Variants in CAPN7 observed in about 807,000 individuals in gnomAD.
CAPN7 encodes calpain-7.
A neutral mutation model predicts 115.2 loss-of-function variants in CAPN7; 72 were observed. The observed-to-expected ratio is 0.63, with a 90% CI of 0.52 to 0.76. The LOEUF is 0.76. CAPN7 is among the 30% of genes least tolerant of loss of function. CAPN7 has a pLI of 0.00. For synonymous variants in CAPN7, 344 were observed against 322.3 expected (o/e 1.07, Z -0.72); for missense variants, 905 against 971.5 (o/e 0.93, Z 0.91).
At chr3:15,227,725 T>C (rs527557679) in intron 6 of CAPN7, 114 bp from the exon 7 acceptor site, 1 of 510,628 alleles carries the variant, frequency 2.0e-6, no homozygotes, top group South Asian at 7.3e-5. Flanking sequence ...TTTAAGATAA[T>C]ACAGTACTGC....
chr3:15,226,911 A>AT (rs1170459101), intron 6 of CAPN7, among the ~76,000 whole-genome samples: 6 of 152,096 alleles, frequency 3.9e-5, no homozygotes, highest in Admixed American at 6.5e-5. Context: ...TTCTATTACT[A>AT]GGAAATCTTT....
rs113901975 is a variant in CAPN7 at position 15,224,265 on chromosome 3, ATT to A, written c.725+717_725+718del. On this transcript the variant is annotated intron_variant, in intron 6 of 20. Coordinates refer to ENST00000253693, the MANE Select transcript of CAPN7 (RefSeq NM_014296.3). ...CAAAAAGAAAATTATGATGTCCCAA[ATT>A]TTTTTTTTTTTTCTTTTTTTTTGAG... Among the ~76,000 whole-genome samples, 1,087 of 145,244 alleles carry A rather than the reference ATT, an allele frequency of 7.5e-3. 12 individuals carry two copies. The highest frequency in any genetic ancestry group is 0.024 in the African/African-American group (955 of 39,764).
At position 15,240,831 on chromosome 3, in the gene CAPN7, A is replaced by G; in HGVS notation, c.1630A>G (p.Lys544Glu). Residue 544 changes from lysine to glutamate, a missense_variant, in exon 14 of 21, where the codon AAA becomes GAA. Physicochemically the swap from Lys to Glu is moderately conservative, Grantham distance 56. Around this residue, in one of 3 missense-constraint regions of CAPN7, gnomAD observed 620 missense variants for 703.4 expected, o/e 0.88. Transcript: ENST00000253693. Reference protein sequence around the residue: ...IYLSWNPGLFKESTCIHSTWD... With the variant: ...IYLSWNPGLFEESTCIHSTWD... ...TTTGAGTTGGAATCCAGGTCTTTTTAAAGAATCAACATGTATTCACAGGTA... is the reference window on the plus strand; with the variant it reads ...TTTGAGTTGGAATCCAGGTCTTTTTGAAGAATCAACATGTATTCACAGGTA... The G allele has an allele frequency of 6.2e-7, 1 of 1,610,156 alleles. No individual in the cohort carries two copies. Among genetic ancestry groups the G allele is most frequent in the Middle Eastern group, 1.7e-4 (1 of 6,050 alleles).
chr3:15,206,507 A>G lies in CAPN7; in HGVS notation c.12A>G (p.Thr4=), dbSNP rs1361216313. The G allele has an allele frequency of 1.9e-6, 3 of 1,550,220 alleles. No individual in the cohort carries two copies. Among genetic ancestry groups the G allele is most frequent in the Non-Finnish European group, 2.6e-6 (3 of 1,147,540 alleles). Residue 4 remains threonine, a synonymous_variant, in exon 1 of 21, where the codon ACA becomes ACG. Transcript: ENST00000253693. MDA[T]ALERDAVQFA... ...GGGGCCACTGCGCCATGGACGCCAC[A>G]GCACTGGAGCGGGACGCTGTGCAGT...
chr3:15,252,862 A>G lies in CAPN7; in HGVS notation c.*1602A>G, dbSNP rs149481817. 1.6e-3 allele frequency: 247 copies of G among 151,898 alleles called. 7 individuals are homozygous for G. Among genetic ancestry groups the G allele is most frequent in the African/African-American group, 5.9e-3 (243 of 41,140 alleles). The allele number at this position is 151,898 out of a possible 1,614,324, so 9.4% of individuals were successfully genotyped here. On this transcript the variant is annotated 3_prime_UTR_variant, in exon 21 of 21. Transcript: ENST00000253693. ...CCATTGAGTGTTTACTATGTACCCAATGTGTATATTTTTCTTTTTAATCTT... is the reference window on the plus strand; with the variant it reads ...CCATTGAGTGTTTACTATGTACCCAGTGTGTATATTTTTCTTTTTAATCTT...
Position 15,206,262 on chromosome 3 carries a change from G to A in CAPN7, c.-234G>A, listed in dbSNP as rs1003296556. 4 of 398,086 alleles carry A rather than the reference G, an allele frequency of 1.0e-5. No homozygotes were observed. Among genetic ancestry groups the A allele is most frequent in the Admixed American group, 4.9e-5 (1 of 20,422 alleles). 24.7% of individuals were successfully genotyped at this position (398,086 alleles called of 1,614,324 possible). ...GGGCGGGGCGAGGGCCGCTGGGGCCGCGAAGTGGGGCGGCCGGGTGGGCTA... is the reference window on the plus strand; with the variant it reads ...GGGCGGGGCGAGGGCCGCTGGGGCCACGAAGTGGGGCGGCCGGGTGGGCTA... On this transcript the variant is annotated 5_prime_UTR_variant, in exon 1 of 21. Transcript: ENST00000253693.
In CAPN7 at chr3:15,212,129, C is replaced by G; in HGVS notation, c.128C>G (p.Ala43Gly). Residue 43 changes from alanine to glycine, a missense_variant, in exon 2 of 21, where the codon GCT becomes GGT. This residue lies in a region of CAPN7 where 271 missense variants were observed against 239.6 expected (regional missense o/e 1.13). Coordinates refer to ENST00000253693, the MANE Select transcript of CAPN7 (RefSeq NM_014296.3). ...YKEAAQALIY[A>G]EMAGSSLENI... is the part of the protein sequence containing the mutation. The stretch of plus-strand genomic sequence containing the variant: ...GAAGCTGCACAAGCCTTAATTTATG[C>G]TGAGATGGCAGGATCAAGCCTAGAA... 6.2e-7 allele frequency: 1 copy of G among 1,608,728 alleles called. No homozygotes were observed. Among genetic ancestry groups the G allele is most frequent in the Non-Finnish European group, 8.5e-7 (1 of 1,177,064 alleles).
rs182180563 is a variant in CAPN7 at position 15,238,175 on chromosome 3, G to A, written c.1408-2298G>A. ...GTCGCCCAGGCTGGAGTGCAGTGGC[G>A]CGGTCTCAGCTCATTGCAAGCTCCG... is the stretch of plus-strand genomic sequence containing the variant. On this transcript the variant is annotated intron_variant, in intron 12 of 20. Transcript: ENST00000253693. Among the ~76,000 whole-genome samples the A allele has an allele frequency of 2.8e-3, 374 of 131,944 alleles. 7 individuals are homozygous for A. The highest frequency in any genetic ancestry group is 9.9e-3 in the African/African-American group (349 of 35,370). 86.6% of individuals were successfully genotyped at this position (131,944 alleles called of 152,430 possible).
At chr3:15,224,329 A>G (rs912336162) in intron 6 of CAPN7, among the ~76,000 whole-genome samples, 13 of 150,966 alleles carry the variant, frequency 8.6e-5, no homozygotes, top group Admixed American at 2.6e-4. Flanking sequence ...CTGGAGTGCA[A>G]TGATGTGATC....
intron 6 of CAPN7, among the ~76,000 whole-genome samples, chr3:15,227,570 T>C (rs1331060060): frequency 2.0e-5 from 3 of 152,178 alleles, no homozygotes; most frequent in Non-Finnish European, 2.9e-5. Context: ...AATACAGTTA[T>C]GCTAAATTTA....
At chr3:15,218,665 A>G (rs939113388) in intron 4 of CAPN7, 125 bp downstream of exon 4, 6 of 712,254 alleles carry the variant, frequency 8.4e-6, no homozygotes, top group African/African-American at 1.8e-5. Context: ...TCTGAAACAA[A>G]TCTACTTTCT....
In CAPN7 at chr3:15,251,326, A is replaced by G; in HGVS notation, c.*66A>G. On this transcript the variant is annotated 3_prime_UTR_variant, in exon 21 of 21. Coordinates refer to ENST00000253693, the MANE Select transcript of CAPN7 (RefSeq NM_014296.3). ...ATCAGTTCTTCAAATAAGGACGCAA[A>G]TCTTCAGGACAGTAAGCAGAACAAT... 7.7e-7 allele frequency: 1 copy of G among 1,294,418 alleles called. No individual in the cohort carries two copies. Among genetic ancestry groups the G allele is most frequent in the Non-Finnish European group, 1.1e-6 (1 of 931,518 alleles). The allele number at this position is 1,294,418 out of a possible 1,614,324, so 80.2% of individuals were successfully genotyped here. A position where few individuals can be genotyped will look rare whatever the true frequency, so the allele number is the denominator to read the frequency against.
intron 9 of CAPN7, 47 bp downstream of exon 9, chr3:15,230,582 C>A (rs1694625912): frequency 9.0e-7 from 1 of 1,105,100 alleles, no homozygotes; most frequent in African/African-American, 1.5e-5. Flanking sequence ...CTCTCCGTTC[C>A]CTACCTTTGA....
At chr3:15,247,599 A>G in intron 19 of CAPN7, 142 bp downstream of exon 19, 1 of 541,552 alleles carries the variant, frequency 1.8e-6, no homozygotes, top group Non-Finnish European at 3.1e-6. Flanking sequence ...AGGAAAGGAC[A>G]ATCTTTTCAA....
chr3:15,206,660 C>T (rs2044642477), intron 1 of CAPN7, 63 bp downstream of exon 1: 1 of 1,245,470 alleles, frequency 8.0e-7, no homozygotes, highest in Non-Finnish European at 1.1e-6. Context: ...GGGCCTGCGG[C>T]CGAGGGGCGG....
At chr3:15,215,344 A>G (rs997224138) in intron 2 of CAPN7, among the ~76,000 whole-genome samples, 3 of 152,240 alleles carry the variant, frequency 2.0e-5, no homozygotes, top group African/African-American at 7.2e-5. Context: ...GTTTAGCGAG[A>G]TACAATTTCC....
intron 2 of CAPN7, among the ~76,000 whole-genome samples, chr3:15,213,959 C>T (rs940435356): frequency 3.3e-5 from 5 of 151,616 alleles, no homozygotes; most frequent in East Asian, 1.9e-4. Flanking sequence ...AGCTCACTGC[C>T]AAGTTCCGCC....
chr3:15,206,542 T>G lies in CAPN7; in HGVS notation c.47T>G (p.Leu16Arg), dbSNP rs201544475. 1.7e-4 allele frequency: 268 copies of G among 1,556,780 alleles called. No homozygotes were observed. In the African/African-American group the frequency reaches 3.0e-3, roughly 18 times the overall value. The change falls in exon 1 of 21, where the codon CTG (leucine) becomes CGG (arginine). Residue 16 changes from leucine to arginine, a missense_variant. This residue lies in a region of CAPN7 where 271 missense variants were observed against 239.6 expected (regional missense o/e 1.13). Transcript: ENST00000253693. ...CGGGACGCTGTGCAGTTCGCCCGTC[T>G]GGCGGTTCAGCGCGACCACGAAGGC... The part of the protein sequence containing the change: ...LERDAVQFAR[L>R]AVQRDHEGRY...
intron 1 of CAPN7, among the ~76,000 whole-genome samples, chr3:15,211,323 T>A (rs2044930527): frequency 6.6e-6 from 1 of 152,228 alleles, no homozygotes; most frequent in Non-Finnish European, 1.5e-5. Context: ...ATTTTCAAGG[T>A]ATATAATTTT....
Sources: allele counts gnomAD v4.1 joint callset (sites outside exome capture counted in the v4.1 genomes callset), GRCh38; gene constraint gnomAD v4.1.1; regional missense constraint gnomAD v4.1.1; transcripts MANE v1.5; gene names NCBI Gene and HGNC (gene_info 2026-07-23, HGNC 2026-07-21).